The following SNAP23 variants were observed in gnomAD, a reference collection of about 807,000 sequenced individuals.
The protein encoded by SNAP23 is synaptosomal-associated protein 23.
A neutral mutation model predicts 29.0 loss-of-function variants in SNAP23; 11 were observed. The ratio of observed to expected loss-of-function variants is 0.38; its 90% CI spans 0.24 to 0.63. The LOEUF is 0.63. SNAP23 is among the 20% of genes least tolerant of loss of function. The probability of loss-of-function intolerance (pLI) is 0.58; values close to 1 mark genes in which losing one functional copy is unlikely to be tolerated. For synonymous variants in SNAP23, 60 were observed against 82.9 expected (o/e 0.72, Z 1.50); for missense variants, 220 against 253.9 (o/e 0.87, Z 0.91).
Position 42,511,936 on chromosome 15 carries a change from C to A in SNAP23, c.57+33C>A, listed in dbSNP as rs529657952. On this transcript the variant is annotated intron_variant, in intron 2 of 7. Coordinates refer to ENST00000249647, the MANE Select transcript of SNAP23 (RefSeq NM_003825.4). ...TTTTACCTAAAATAAGTAAATAATT[C>A]TATTTCAGTTTTCATATTGGAGGAG... 445 of 1,456,872 alleles carry A rather than the reference C, an allele frequency of 3.1e-4. 7 individuals are homozygous for A. In the South Asian group the frequency reaches 5.4e-3, roughly 18 times the overall value. The allele number at this position is 1,456,872 out of a possible 1,614,324, so 90.2% of individuals were successfully genotyped here.
At chr15:42,529,581 G>T in intron 6 of SNAP23, 94 bp from the exon 7 acceptor site, 1 of 1,267,500 alleles carries the variant, frequency 7.9e-7, no homozygotes. Flanking sequence ...TACTTGCTGA[G>T]AGTCATTTTG....
intron 1 of SNAP23, among the ~76,000 whole-genome samples, chr15:42,498,248 C>T (rs2057240247): frequency 6.6e-6 from 1 of 152,206 alleles, no homozygotes; most frequent in Non-Finnish European, 1.5e-5. Context: ...TCCCACGTTT[C>T]CTTTCTGCAG....
At chr15:42,517,228 A>G (rs575142963) in intron 5 of SNAP23, among the ~76,000 whole-genome samples, 1 of 152,202 alleles carries the variant, frequency 6.6e-6, no homozygotes, top group Non-Finnish European at 1.5e-5. Context: ...CCAAAAGTTC[A>G]TATTTTAATA....
intron 5 of SNAP23, among the ~76,000 whole-genome samples, chr15:42,520,768 A>G (rs188557444): frequency 2.8e-3 from 420 of 152,348 alleles, no homozygotes; most frequent in African/African-American, 9.5e-3. Context: ...TGTTGGGATT[A>G]CAGGCGTGAG....
intron 5 of SNAP23, among the ~76,000 whole-genome samples, chr15:42,518,688 G>A (rs1015286159): frequency 6.6e-6 from 1 of 151,978 alleles, no homozygotes; most frequent in African/African-American, 2.4e-5. Context: ...AGAAGTGCTG[G>A]GATTGCAGGC....
At chr15:42,520,985 T>C (rs992810053) in intron 5 of SNAP23, among the ~76,000 whole-genome samples, 5 of 152,234 alleles carry the variant, frequency 3.3e-5, no homozygotes, top group Non-Finnish European at 7.3e-5. Context: ...CTCCGACTAA[T>C]TAAAATGAAT....
chr15:42,525,210 T>C (rs1398329491), intron 5 of SNAP23, among the ~76,000 whole-genome samples: 1 of 151,402 alleles, frequency 6.6e-6, no homozygotes, highest in African/African-American at 2.4e-5. Flanking sequence ...CTACTAAAAA[T>C]ACAAAAAATT....
In SNAP23 at chr15:42,530,116, T is replaced by A. The variant is rs370870503; in HGVS notation, c.570+297T>A. Among the ~76,000 whole-genome samples, 9 of 152,280 alleles carry A rather than the reference T, an allele frequency of 5.9e-5. No individual in the cohort carries two copies. In the East Asian group the frequency reaches 1.3e-3, roughly 23 times the overall value. On this transcript the variant is annotated intron_variant, in intron 7 of 7. Coordinates refer to ENST00000249647, the MANE Select transcript of SNAP23 (RefSeq NM_003825.4). Reference sequence around the variant, plus strand: ...CGTGTTTTTTTCTCTCCCAAATGAGTTTTATTTTGTTAACTAATTTTTTAA... The same window carrying A: ...CGTGTTTTTTTCTCTCCCAAATGAGATTTATTTTGTTAACTAATTTTTTAA...
intron 5 of SNAP23, among the ~76,000 whole-genome samples, chr15:42,516,072 C>T (rs1227065237): frequency 6.6e-6 from 1 of 151,276 alleles, no homozygotes; most frequent in Non-Finnish European, 1.5e-5. Flanking sequence ...AGTAGAGGAA[C>T]TTGAATGCCA....
chr15:42,510,170 C>G (rs1010621018), intron 1 of SNAP23, among the ~76,000 whole-genome samples: 1 of 152,120 alleles, frequency 6.6e-6, no homozygotes, highest in Non-Finnish European at 1.5e-5. Context: ...GGGTCTTGCT[C>G]TGTCACCCAG....
intron 1 of SNAP23, among the ~76,000 whole-genome samples, chr15:42,501,651 A>G (rs1299864155): frequency 2.0e-5 from 3 of 152,122 alleles, no homozygotes; most frequent in Non-Finnish European, 2.9e-5. Flanking sequence ...GCTTTAAGCA[A>G]TCCTTTTGCT....
At chr15:42,494,437 A>G (rs969687019), upstream of SNAP23, among the ~76,000 whole-genome samples, 22 of 141,846 alleles carry the variant, frequency 1.6e-4, no homozygotes, top group East Asian at 8.1e-4. Flanking sequence ...CACTGTCGCC[A>G]GTGATAGACA....
intron 1 of SNAP23, among the ~76,000 whole-genome samples, chr15:42,497,356 C>T (rs553601064): frequency 3.3e-5 from 5 of 151,908 alleles, no homozygotes; most frequent in Non-Finnish European, 7.4e-5. Context: ...TTACAGGCAC[C>T]TGCCACCAGG....
In SNAP23 at chr15:42,531,698, G is replaced by A. The variant is rs569518773; in HGVS notation, c.*220G>A. The A allele has an allele frequency of 4.4e-4, 176 of 401,686 alleles. 1 individual carries two copies. The highest frequency in any genetic ancestry group is 3.3e-3 in the African/African-American group (158 of 48,420). 24.9% of individuals were successfully genotyped at this position (401,686 alleles called of 1,614,324 possible). On this transcript the variant is annotated 3_prime_UTR_variant, in exon 8 of 8. Coordinates refer to ENST00000249647, the MANE Select transcript of SNAP23 (RefSeq NM_003825.4). ...TAGTATTTTCTTTCTCAATTCATAC[G>A]CTTAGATTGGTTTTCATATGTCATG...
chr15:42,513,277 C>A, intron 3 of SNAP23, 122 bp from the exon 4 acceptor site: 1 of 904,114 alleles, frequency 1.1e-6, no homozygotes, highest in Non-Finnish European at 1.9e-6. Context: ...CTAGTTCTGT[C>A]TGTAGCTCTA....
intron 7 of SNAP23, among the ~76,000 whole-genome samples, chr15:42,531,070 C>T (rs898828036): frequency 6.6e-6 from 1 of 152,134 alleles, no homozygotes; most frequent in Non-Finnish European, 1.5e-5. Flanking sequence ...AGGTCCAGAT[C>T]TTTAACAGAG....
At chr15:42,519,398 G>GT (rs2057425069) in intron 5 of SNAP23, among the ~76,000 whole-genome samples, 1 of 149,244 alleles carries the variant, frequency 6.7e-6, no homozygotes. Flanking sequence ...TTGAGACAGA[G>GT]TTTTACGTTG....
Position 42,515,241 on chromosome 15 carries a change from A to G in SNAP23, c.153A>G (p.Gln51=), listed in dbSNP as rs773141276. The G allele has an allele frequency of 6.9e-6, 11 of 1,590,328 alleles. No individual in the cohort carries two copies. The East Asian group carries it at 1.1e-4, about 16-fold the overall frequency. ...TITMLDEQKE[Q]LNRIEEGLDQ... ...AACTTCACAACTTATTCTTAGAACA[A>G]CTAAACCGCATAGAAGAAGGCTTGG... The change falls in exon 5 of 8, where the codon CAA becomes CAG. Residue 51 remains glutamine (Q), a synonymous_variant. Coordinates refer to ENST00000249647, the MANE Select transcript of SNAP23 (RefSeq NM_003825.4).
At chr15:42,521,873 CCTTTGA>C (rs11278770) in intron 5 of SNAP23, 16,753 of 402,972 alleles carry the variant, frequency 0.042, 975 homozygotes, top group Admixed American at 0.17. Context: ...ATAATACCAT[CCTTTGA>C]CAAATGTCTC....
Sources: allele counts gnomAD v4.1 joint callset (sites outside exome capture counted in the v4.1 genomes callset), GRCh38; gene constraint gnomAD v4.1.1; transcripts MANE v1.5; gene names NCBI Gene and HGNC (gene_info 2026-07-23, HGNC 2026-07-21).